Variants in KIF13A observed in about 807,000 individuals in gnomAD.
KIF13A encodes the protein kinesin-like protein KIF13A.
KIF13A carries 79 observed loss-of-function variants against 212.2 expected under a neutral mutation model. The observed-to-expected ratio is 0.37, with a 90% confidence interval of 0.31 to 0.45. KIF13A has a LOEUF of 0.45. Among genes scored for constraint, KIF13A ranks in the 20% least tolerant of loss-of-function variants. The pLI, the probability that KIF13A is intolerant of heterozygous loss-of-function variation, is 1.00. For missense variants in KIF13A, 1,901 were observed against 2,209.0 expected (o/e 0.86, Z 2.79); for synonymous variants, 789 against 808.6 (o/e 0.98, Z 0.41).
intron 25 of KIF13A, among the ~76,000 whole-genome samples, chr6:17,791,369 CT>C (rs757391141): frequency 3.2e-3 from 428 of 135,458 alleles, no homozygotes; most frequent in Admixed American, 5.6e-3. Flanking sequence ...GAGAATAATT[CT>C]TTTTTTTTTT....
Position 17,826,203 on chromosome 6 carries a change from G to C in KIF13A, c.1533-79C>G, listed in dbSNP as rs751680262. ...GTCCTGGTAGCCAAAGAGATAACTA[G>C]GGGAGCTTTCTCTTAATAAATGCAT... is the stretch of plus-strand genomic sequence containing the variant. On this transcript the variant is annotated intron_variant, in intron 14 of 38. Coordinates refer to ENST00000259711, the MANE Select transcript of KIF13A (RefSeq NM_022113.6). The surrounding 1 kb of genome is among the most constrained non-coding windows in gnomAD (Gnocchi z 4.7). 4.3e-5 allele frequency: 45 copies of C among 1,037,698 alleles called. No individual in the cohort carries two copies. Among genetic ancestry groups the C allele is most frequent in the Non-Finnish European group, 6.5e-5 (44 of 676,394 alleles). 64.3% of individuals were successfully genotyped at this position (1,037,698 alleles called of 1,614,324 possible).
At position 17,763,868 on chromosome 6, in the gene KIF13A, T is replaced by A; in HGVS notation, c.*242A>T. ...GGAATGAATATGAGATTGATCCTTA[T>A]CCATCTGAACACTTCATTCAACACC... On this transcript the variant is annotated 3_prime_UTR_variant, in exon 39 of 39. Coordinates refer to ENST00000259711, the MANE Select transcript of KIF13A (RefSeq NM_022113.6). The A allele has an allele frequency of 7.3e-7, 1 of 1,363,478 alleles. No homozygotes were observed. The highest frequency in any genetic ancestry group is 9.4e-7 in the Non-Finnish European group (1 of 1,059,636). The allele number at this position is 1,363,478 out of a possible 1,614,324, so 84.5% of individuals were successfully genotyped here.
intron 2 of KIF13A, among the ~76,000 whole-genome samples, chr6:17,962,043 T>C (rs373260609): frequency 1.4e-3 from 214 of 152,282 alleles, no homozygotes; most frequent in Non-Finnish European, 2.4e-3. Context: ...AATATGGTAA[T>C]AGGCTGGGTG....
Position 17,856,408 on chromosome 6 carries a change from G to T in KIF13A, c.221-286C>A, listed in dbSNP as rs1290473445. Reference sequence around the variant, plus strand: ...CCATATGGAAGCAGCATTCAAATTTGGTTGTTTTTTCTTATGACTAATATC... The same window carrying T: ...CCATATGGAAGCAGCATTCAAATTTTGTTGTTTTTTCTTATGACTAATATC... On this transcript the variant is annotated intron_variant, in intron 4 of 38. Coordinates refer to ENST00000259711, the MANE Select transcript of KIF13A (RefSeq NM_022113.6). The surrounding 1 kb of genome is among the most constrained non-coding windows in gnomAD (Gnocchi z 4.5). 6.6e-6 allele frequency among the ~76,000 whole-genome samples: 1 copy of T among 152,082 alleles called. No individual in the cohort carries two copies. The highest frequency in any genetic ancestry group is 2.4e-5 in the African/African-American group (1 of 41,400).
In KIF13A at chr6:17,771,174, G is replaced by C. The variant is rs1734258998; in HGVS notation, c.4521C>G (p.Pro1507=). ...GCATGCTGCTGCCATTGCTTCCTGA[G>C]GGTACAATGCAGCCAGGGTTATGTG... ...PQAHNPGCIV[P]SGSNGSSMPV... The change falls in exon 38 of 39, where the codon CCC becomes CCG. Residue 1507 remains proline, a synonymous_variant. Transcript: ENST00000259711. This position sits in a 1 kb window ranked among gnomAD's most constrained non-coding sequence, Gnocchi z 5.4. 1 of 1,613,276 alleles carries C rather than the reference G, an allele frequency of 6.2e-7. No homozygotes were observed.
Position 17,764,648 on chromosome 6 carries a change from G to C in KIF13A, c.4880C>G (p.Thr1627Arg), listed in dbSNP as rs541281370. 2 of 1,609,876 alleles carry C rather than the reference G, an allele frequency of 1.2e-6. No individual in the cohort carries two copies. The highest frequency in any genetic ancestry group is 1.1e-5 in the South Asian group (1 of 90,892). The change falls in exon 39 of 39, where the codon ACG becomes AGG. Residue 1627 changes from threonine (T) to arginine (R), a missense_variant. Around this residue, in one of 5 missense-constraint regions of KIF13A, gnomAD observed 687 missense variants for 759.1 expected, o/e 0.90. Coordinates refer to ENST00000259711, the MANE Select transcript of KIF13A (RefSeq NM_022113.6). The surrounding 1 kb of genome is among the most constrained non-coding windows in gnomAD (Gnocchi z 5.1). ...GTGCTCGGTGGAGTCTGCATCCTTC[G>C]TCTGAATGGCCAGCTGGTCTGAGCT... Reference protein sequence around the residue: ...SDSSDQLAIQTKDADSTEHST... With the variant: ...SDSSDQLAIQRKDADSTEHST...
At chr6:17,822,042 T>TA in intron 16 of KIF13A, 8 of 832,994 alleles carry the variant, frequency 9.6e-6, no homozygotes, top group East Asian at 2.9e-5. Flanking sequence ...AAACATAACT[T>TA]CTTTTTTTTT....
intron 30 of KIF13A, 51 bp downstream of exon 30, chr6:17,781,126 G>A: frequency 1.9e-6 from 3 of 1,608,166 alleles, no homozygotes; most frequent in Admixed American, 3.3e-5. Context: ...AGGCCCACAA[G>A]CCTTGTGTGC....
intron 33 of KIF13A, 122 bp downstream of exon 33, chr6:17,778,825 A>C (rs980859194): frequency 1.8e-6 from 2 of 1,140,582 alleles, no homozygotes; most frequent in African/African-American, 3.1e-5. Context: ...CTTTCAATAG[A>C]GATGGCTCAA....
intron 25 of KIF13A, among the ~76,000 whole-genome samples, chr6:17,791,410 GACA>G (rs1001890009): frequency 2.1e-5 from 3 of 146,022 alleles, no homozygotes; most frequent in African/African-American, 7.6e-5. Context: ...AAAACACTGT[GACA>G]ACAACAAAAA....
rs193097995 is a variant in KIF13A, at chr6:17,951,877, C to T, written c.146+35177G>A. Among the ~76,000 whole-genome samples, 2 of 152,308 alleles carry T rather than the reference C, an allele frequency of 1.3e-5. No homozygotes were observed. Among genetic ancestry groups the T allele is most frequent in the East Asian group, 1.9e-4 (1 of 5,186 alleles). The stretch of plus-strand genomic sequence containing the variant: ...TTGATGGACATTTGGTGACTCATTA[C>T]AAAAATCTTTTTTCTTAAAAGAATT... On this transcript the variant is annotated intron_variant, in intron 2 of 38. Coordinates refer to ENST00000259711, the MANE Select transcript of KIF13A (RefSeq NM_022113.6). This position sits in a 1 kb window ranked among gnomAD's most constrained non-coding sequence, Gnocchi z 4.9.
chr6:17,987,543 AGCCGCGCGCCCCTCGAGCGCGG>A lies in KIF13A; in HGVS notation c.-102_-81del. On this transcript the variant is annotated 5_prime_UTR_variant, in exon 1 of 39. It removes the in-frame stop codon of an upstream open reading frame in the 5' UTR. Transcript: ENST00000259711. The surrounding 1 kb of genome is among the most constrained non-coding windows in gnomAD (Gnocchi z 7.7). Reference sequence around the variant, plus strand: ...TCACGCGCGGCGCCGCCGCCGCTGCAGCCGCGCGCCCCTCGAGCGCGGCCGCCGCCGCTCCGCCGTGAGCTCC... The same window carrying A: ...TCACGCGCGGCGCCGCCGCCGCTGCACCGCCGCCGCTCCGCCGTGAGCTCC... 2.6e-6 allele frequency: 2 copies of A among 777,514 alleles called. No homozygotes were observed. The highest frequency in any genetic ancestry group is 3.2e-6 in the Non-Finnish European group (2 of 631,278). The allele number at this position is 777,514 out of a possible 1,614,324, so 48.2% of individuals were successfully genotyped here.
rs532200338 is a variant in KIF13A at position 17,961,446 on chromosome 6, T to C, written c.146+25608A>G. 9.2e-5 allele frequency among the ~76,000 whole-genome samples: 14 copies of C among 152,212 alleles called. No individual in the cohort carries two copies. Among genetic ancestry groups the C allele is most frequent in the Non-Finnish European group, 1.6e-4 (11 of 68,034 alleles). ...AAGCACCAAGCATATTGTAAGCCCTTTATATTCTCCCCGAATTAGGTTGGA... is the reference window on the plus strand; with the variant it reads ...AAGCACCAAGCATATTGTAAGCCCTCTATATTCTCCCCGAATTAGGTTGGA... On this transcript the variant is annotated intron_variant, in intron 2 of 38. Transcript: ENST00000259711. This position sits in a 1 kb window ranked among gnomAD's most constrained non-coding sequence, Gnocchi z 4.1.
intron 2 of KIF13A, among the ~76,000 whole-genome samples, chr6:17,969,526 A>C (rs762345940): frequency 6.6e-6 from 1 of 152,224 alleles, no homozygotes; most frequent in Non-Finnish European, 1.5e-5. Context: ...CTAGTGACAC[A>C]CTGTGTTCAA....
In KIF13A at chr6:17,987,339, C is replaced by G; in HGVS notation, c.55+70G>C. The G allele has an allele frequency of 8.7e-7, 1 of 1,154,204 alleles. No homozygotes were observed. The highest frequency in any genetic ancestry group is 1.1e-6 in the Non-Finnish European group (1 of 881,216). The allele number at this position is 1,154,204 out of a possible 1,614,324, so 71.5% of individuals were successfully genotyped here. On this transcript the variant is annotated intron_variant, in intron 1 of 38. Coordinates refer to ENST00000259711, the MANE Select transcript of KIF13A (RefSeq NM_022113.6). The surrounding 1 kb of genome is among the most constrained non-coding windows in gnomAD (Gnocchi z 7.7). ...CCCGGCCGCGCTCTCGCCGTCCCGG[C>G]CCCGCAGTTTCTAAAGTTGCCCCCG...
At position 17,828,947 on chromosome 6, in the gene KIF13A, G is replaced by A. The variant is rs542980113; in HGVS notation, c.1402-577C>T. On this transcript the variant is annotated intron_variant, in intron 13 of 38. Transcript: ENST00000259711. This position sits in a 1 kb window ranked among gnomAD's most constrained non-coding sequence, Gnocchi z 4.3. Reference sequence around the variant, plus strand: ...CCTGTGGGTCATACCATGTACAAACGTGTGATTTTTTTTTTTTTGACATGG... The same window carrying A: ...CCTGTGGGTCATACCATGTACAAACATGTGATTTTTTTTTTTTTGACATGG... 7.6e-6 allele frequency among the ~76,000 whole-genome samples: 1 copy of A among 132,342 alleles called. No individual in the cohort carries two copies. Among genetic ancestry groups the A allele is most frequent in the Admixed American group, 8.3e-5 (1 of 11,978 alleles). 86.8% of individuals were successfully genotyped at this position (132,342 alleles called of 152,430 possible).
At position 17,912,837 on chromosome 6, in the gene KIF13A, A is replaced by T. The variant is rs1367994078; in HGVS notation, c.147-14657T>A. Among the ~76,000 whole-genome samples the T allele has an allele frequency of 6.6e-6, 1 of 152,212 alleles. No individual in the cohort carries two copies. The highest frequency in any genetic ancestry group is 1.5e-5 in the Non-Finnish European group (1 of 68,034). On this transcript the variant is annotated intron_variant, in intron 2 of 38. Transcript: ENST00000259711. The surrounding 1 kb of genome is among the most constrained non-coding windows in gnomAD (Gnocchi z 4.2). ...TGGCCTCTGAACAGAGAAACTCCAAACAGACACTGATGGTAAAAGGAGAAT... is the reference window on the plus strand; with the variant it reads ...TGGCCTCTGAACAGAGAAACTCCAATCAGACACTGATGGTAAAAGGAGAAT...
At chr6:17,943,775 C>T (rs986639126) in intron 2 of KIF13A, among the ~76,000 whole-genome samples, 1 of 152,080 alleles carries the variant, frequency 6.6e-6, no homozygotes, top group Admixed American at 6.6e-5. Context: ...TACAACTCAA[C>T]GGGGAGGCGT....
intron 16 of KIF13A, among the ~76,000 whole-genome samples, chr6:17,820,176 A>G (rs1423841352): frequency 6.6e-6 from 1 of 152,178 alleles, no homozygotes; most frequent in African/African-American, 2.4e-5. Context: ...AGCAGCTGTC[A>G]TGACACAGCA....
Sources: allele counts gnomAD v4.1 joint callset (sites outside exome capture counted in the v4.1 genomes callset), GRCh38; gene constraint gnomAD v4.1.1; regional missense constraint gnomAD v4.1.1; non-coding constraint Gnocchi (gnomAD v3.1); transcripts MANE v1.5; gene names NCBI Gene and HGNC (gene_info 2026-07-23, HGNC 2026-07-21).